Variants in SMARCC1 observed in about 807,000 individuals in gnomAD.
SMARCC1 encodes the protein SWI/SNF related BAF chromatin remodeling complex subunit C1, also known as SWI/SNF complex subunit SMARCC1.
A neutral mutation model predicts 147.4 loss-of-function variants in SMARCC1; 43 were observed. That is an observed-to-expected ratio of 0.29 (90% CI 0.23 to 0.38). The LOEUF (loss-of-function observed/expected upper bound fraction) is 0.38. SMARCC1 is among the 10% of genes least tolerant of loss of function. SMARCC1 has a pLI of 1.00. For synonymous variants in SMARCC1, 495 were observed against 484.4 expected (o/e 1.02, Z -0.29); for missense variants, 1,119 against 1,381.1 (o/e 0.81, Z 3.01).
At chr3:47,620,635 G>T (rs548217321) in intron 25 of SMARCC1, among the ~76,000 whole-genome samples, 115 of 151,822 alleles carry the variant, frequency 7.6e-4, no homozygotes, top group African/African-American at 2.6e-3. Context: ...TCTTGGTCCC[G>T]TTTGGCCCAT....
chr3:47,695,763 A>C (rs953107050), intron 11 of SMARCC1, among the ~76,000 whole-genome samples: 2 of 53,168 alleles, frequency 3.8e-5, no homozygotes, highest in African/African-American at 2.7e-4. Context: ...ATTCTGTCTC[A>C]AAAAAAAAAA....
Position 47,663,807 on chromosome 3 carries a change from A to G in SMARCC1, c.1900-1215T>C. The G allele has an allele frequency of 3.8e-6, 6 of 1,583,294 alleles. No homozygotes were observed. The South Asian group carries it at 6.6e-5, about 17-fold the overall frequency. The stretch of plus-strand genomic sequence containing the variant: ...GCGGCCGCCCTCACCTACAGCCTCT[A>G]TTCCTTCCACCGGGGCAACAGCCAG... On this transcript the variant is annotated intron_variant, in intron 19 of 27. Transcript: ENST00000254480.
intron 6 of SMARCC1, among the ~76,000 whole-genome samples, chr3:47,721,111 G>C (rs2106810402): frequency 6.6e-6 from 1 of 152,152 alleles, no homozygotes; most frequent in Middle Eastern, 3.4e-3. Context: ...CCCTCTTTCT[G>C]TGAGGCTTAG....
At chr3:47,671,173 C>CAAAAAAAAAAAAAAAAAAAAAAAAA (rs775759680) in intron 18 of SMARCC1, among the ~76,000 whole-genome samples, 1 of 29,236 alleles carries the variant, frequency 3.4e-5, no homozygotes. Context: ...GAGACTATCT[C>CAAAAAAAAAAAAAAAAAAAAAAAAA]AAAAAAAAAA....
In SMARCC1 at chr3:47,670,709, A is replaced by C. The variant is rs1409852351; in HGVS notation, c.1848T>G (p.Gly616=). The C allele has an allele frequency of 3.1e-6, 5 of 1,592,168 alleles. No individual in the cohort carries two copies. The highest frequency in any genetic ancestry group is 1.3e-5 in the African/African-American group (1 of 74,672). ...YSKKTLAKSK[G]ASAGREWTEQ... The stretch of plus-strand genomic sequence containing the variant: ...CAGTCCATTCTCTTCCAGCACTAGC[A>C]CCTTTACTCTAAGGAAACAAAATCA... The change falls in exon 19 of 28, where the codon GGT becomes GGG. Residue 616 remains glycine, a synonymous_variant. Transcript: ENST00000254480.
intron 19 of SMARCC1, among the ~76,000 whole-genome samples, chr3:47,664,595 G>A (rs900274217): frequency 6.6e-6 from 1 of 152,212 alleles, no homozygotes; most frequent in African/African-American, 2.4e-5. Flanking sequence ...CAACTATGTG[G>A]TGCTAAGAAT....
intron 11 of SMARCC1, among the ~76,000 whole-genome samples, chr3:47,697,580 GT>G (rs2033868590): frequency 6.6e-6 from 1 of 150,430 alleles, no homozygotes; most frequent in South Asian, 2.1e-4. Flanking sequence ...GGGATTACAG[GT>G]GTGAGCCACT....
intron 1 of SMARCC1, among the ~76,000 whole-genome samples, chr3:47,775,780 C>T (rs955001030): frequency 1.3e-5 from 2 of 151,428 alleles, no homozygotes; most frequent in African/African-American, 4.9e-5. Context: ...GGTGACAGAG[C>T]GAGACTCACT....
At chr3:47,654,536 G>A (rs1157437122) in intron 21 of SMARCC1, among the ~76,000 whole-genome samples, 2 of 152,152 alleles carry the variant, frequency 1.3e-5, no homozygotes, top group Non-Finnish European at 2.9e-5. Flanking sequence ...TCCATTTTCT[G>A]CTGCTATAAA....
chr3:47,719,595 G>C (rs2106808654), intron 7 of SMARCC1, among the ~76,000 whole-genome samples: 1 of 152,088 alleles, frequency 6.6e-6, no homozygotes, highest in Middle Eastern at 3.4e-3. Flanking sequence ...CCAGCTACTA[G>C]GAAGGATGGA....
Position 47,610,269 on chromosome 3 carries a change from AG to A in SMARCC1, c.2839del (p.Leu947Ter). ...TCGTGCTCGTAATTCAGCATACTTC[AG>A]CTGTTCCATGTGGAAGTTTTGGCGT... ...TERQNFHMEQLKYAELRARQQ... is the reference protein window; with the variant it reads ...TERQNFHMEQXKYAELRARQQ... On this transcript the variant is annotated frameshift_variant, in exon 26 of 28. Coordinates refer to ENST00000254480, the MANE Select transcript of SMARCC1 (RefSeq NM_003074.4). LOFTEE classifies it high-confidence loss of function. 6.2e-7 allele frequency: 1 copy of A among 1,614,146 alleles called. No homozygotes were observed. Among genetic ancestry groups the A allele is most frequent in the Non-Finnish European group, 8.5e-7 (1 of 1,180,026 alleles).
chr3:47,698,304 G>A (rs2033878510), intron 11 of SMARCC1, among the ~76,000 whole-genome samples: 1 of 151,958 alleles, frequency 6.6e-6, no homozygotes, highest in Non-Finnish European at 1.5e-5. Flanking sequence ...CAGGAAGAAA[G>A]CTTCCTGAAA....
At chr3:47,697,621 G>GAAA (rs71070212) in intron 11 of SMARCC1, among the ~76,000 whole-genome samples, 1 of 132,034 alleles carries the variant, frequency 7.6e-6, no homozygotes, top group Non-Finnish European at 1.6e-5. Context: ...ACTCTTAAGG[G>GAAA]AAAAAAAAAA....
At chr3:47,776,519 G>C (rs543786082) in intron 1 of SMARCC1, among the ~76,000 whole-genome samples, 2 of 152,124 alleles carry the variant, frequency 1.3e-5, no homozygotes, top group East Asian at 3.9e-4. Flanking sequence ...CAGGAAAATT[G>C]CTTGAACCCA....
At chr3:47,663,599 C>T in intron 19 of SMARCC1, 2 of 1,471,888 alleles carry the variant, frequency 1.4e-6, no homozygotes, top group Admixed American at 1.9e-5. Flanking sequence ...TTTTCTCCTG[C>T]TGCTGTGGCC....
chr3:47,707,023 T>C (rs548775916), intron 9 of SMARCC1, among the ~76,000 whole-genome samples: 1 of 152,248 alleles, frequency 6.6e-6, no homozygotes, highest in African/African-American at 2.4e-5. Context: ...TTAAAGTCAA[T>C]GTCTAGGCTG....
At chr3:47,773,164 G>A (rs1206378293) in intron 1 of SMARCC1, among the ~76,000 whole-genome samples, 1 of 151,822 alleles carries the variant, frequency 6.6e-6, no homozygotes, top group East Asian at 1.9e-4. Flanking sequence ...CTTCGGTCTT[G>A]TCACCCAGGC....
chr3:47,713,740 C>G (rs907094001), intron 8 of SMARCC1, among the ~76,000 whole-genome samples: 4 of 152,124 alleles, frequency 2.6e-5, no homozygotes. Context: ...TGTATGGACT[C>G]TTATTACATT....
chr3:47,761,921 G>C (rs2034778777), intron 2 of SMARCC1, among the ~76,000 whole-genome samples: 1 of 152,142 alleles, frequency 6.6e-6, no homozygotes, highest in African/African-American at 2.4e-5. Flanking sequence ...CTATTCTCCT[G>C]CCTCAGCCTC....
Sources: allele counts gnomAD v4.1 joint callset (sites outside exome capture counted in the v4.1 genomes callset), GRCh38; gene constraint gnomAD v4.1.1; transcripts MANE v1.5; gene names NCBI Gene and HGNC (gene_info 2026-07-23, HGNC 2026-07-21).